HCN1: variants seen among roughly 807,000 people sequenced by gnomAD.
HCN1 encodes the protein potassium/sodium hyperpolarization-activated cyclic nucleotide-gated channel 1.
In HCN1, 13 loss-of-function variants were observed where a neutral mutation model predicts 78.9. The observed-to-expected ratio is 0.16, with a 90% CI of 0.11 to 0.26. The LOEUF is 0.26. Among genes scored for constraint, HCN1 ranks in the 10% least tolerant of loss-of-function variants. The probability of loss-of-function intolerance (pLI) is 1.00; values close to 1 mark genes in which losing one functional copy is unlikely to be tolerated. For synonymous variants in HCN1, 552 were observed against 455.5 expected, an observed-to-expected ratio of 1.21 and a Z score of -2.70; for missense variants, 810 against 1,154.3, an observed-to-expected ratio of 0.70 and a Z score of 4.32.
At chr5:45,654,917 A>G (rs1381236450) in intron 1 of HCN1, among the ~76,000 whole-genome samples, 3 of 152,128 alleles carry the variant, frequency 2.0e-5, no homozygotes. Context: ...TTTTCAAATC[A>G]TCCAGTTTAT....
chr5:45,628,960 T>G (rs1469355531), intron 2 of HCN1, among the ~76,000 whole-genome samples: 1 of 143,964 alleles, frequency 6.9e-6, no homozygotes, highest in East Asian at 2.0e-4. Flanking sequence ...GCAACAAGAG[T>G]GAAACTTCAA....
intron 6 of HCN1, among the ~76,000 whole-genome samples, chr5:45,284,351 C>A (rs1745228273): frequency 6.6e-6 from 1 of 152,104 alleles, no homozygotes; most frequent in Non-Finnish European, 1.5e-5. Context: ...CCTGTAACCC[C>A]TTTCTTTCCT....
Position 45,260,088 on chromosome 5 carries a change from A to G in HCN1, c.*1833T>C, listed in dbSNP as rs1007501698. The G allele has an allele frequency of 6.6e-6, 1 of 152,288 alleles. No individual in the cohort carries two copies. Among genetic ancestry groups the G allele is most frequent in the African/African-American group, 2.4e-5 (1 of 41,456 alleles). 9.4% of individuals were successfully genotyped at this position (152,288 alleles called of 1,614,324 possible). A position where few individuals can be genotyped will look rare whatever the true frequency, so the allele number is the denominator to read the frequency against. On this transcript the variant is annotated 3_prime_UTR_variant, in exon 8 of 8. Transcript: ENST00000303230. ...TGGTATTATAGGTATTATATCCACA[A>G]AAGGCATAACAGGCAGCAAGGATCC... is the stretch of plus-strand genomic sequence containing the variant.
chr5:45,632,537 C>T (rs898697873), intron 2 of HCN1, among the ~76,000 whole-genome samples: 2 of 151,794 alleles, frequency 1.3e-5, no homozygotes, highest in Non-Finnish European at 1.5e-5. Context: ...CCTAAGAGTA[C>T]GAATTACAGC....
In HCN1 at chr5:45,350,808, C is replaced by T. The variant is rs539095392; in HGVS notation, c.1377+2292G>A. ...AAAGAGAATAAAATACCTGGGAATC[C>T]AACTTACAAGGGACGTGAAGGACCT... On this transcript the variant is annotated intron_variant, in intron 5 of 7. Coordinates refer to ENST00000303230, the MANE Select transcript of HCN1 (RefSeq NM_021072.4). 4.6e-5 allele frequency among the ~76,000 whole-genome samples: 7 copies of T among 152,170 alleles called. No individual in the cohort carries two copies. The East Asian group carries it at 5.8e-4, about 13-fold the overall frequency.
chr5:45,564,253 CCTTTAGGAAG>C (rs1743662974), intron 2 of HCN1, among the ~76,000 whole-genome samples: 1 of 151,716 alleles, frequency 6.6e-6, no homozygotes, highest in African/African-American at 2.4e-5. Context: ...TGTGGGTGAA[CCTTTAGGAAG>C]CTTTTTTTTT....
chr5:45,264,599 A>G (rs1465048345), intron 7 of HCN1, among the ~76,000 whole-genome samples: 1 of 152,224 alleles, frequency 6.6e-6, no homozygotes, highest in Non-Finnish European at 1.5e-5. Context: ...AATTTCCCAA[A>G]GAACAAAAAC....
In HCN1 at chr5:45,635,462, A is replaced by C. The variant is rs572949506; in HGVS notation, c.849+9723T>G. On this transcript the variant is annotated intron_variant, in intron 2 of 7. Transcript: ENST00000303230. ...CCTGACTTAGATAGGATTGTATCAA[A>C]ATAGCTACCATTCCTTTATTTTGCA... Among the ~76,000 whole-genome samples the C allele has an allele frequency of 6.6e-5, 10 of 152,178 alleles. 1 individual carries two copies. The South Asian group carries it at 2.1e-3, about 32-fold the overall frequency.
At chr5:45,678,111 G>A (rs1360112169) in intron 1 of HCN1, among the ~76,000 whole-genome samples, 2 of 151,488 alleles carry the variant, frequency 1.3e-5, no homozygotes, top group South Asian at 2.1e-4. Flanking sequence ...TTTGGGGTTC[G>A]GCTTCCTCGG....
chr5:45,548,946 G>C (rs2111849037), intron 2 of HCN1, among the ~76,000 whole-genome samples: 1 of 151,476 alleles, frequency 6.6e-6, no homozygotes, highest in Non-Finnish European at 1.5e-5. Flanking sequence ...CAAGGGACGT[G>C]AAGGACCTCT....
chr5:45,471,667 T>C (rs1018516014), intron 2 of HCN1, among the ~76,000 whole-genome samples: 10 of 152,090 alleles, frequency 6.6e-5, no homozygotes, highest in South Asian at 4.1e-4. Context: ...TATCTTACAA[T>C]GTGTATTTTC....
At chr5:45,339,383 G>T (rs1385064198) in intron 5 of HCN1, among the ~76,000 whole-genome samples, 1 of 152,142 alleles carries the variant, frequency 6.6e-6, no homozygotes, top group East Asian at 1.9e-4. Flanking sequence ...AAGGTAAGCT[G>T]AGTAGAAAGG....
At chr5:45,547,119 G>C (rs993562709) in intron 2 of HCN1, among the ~76,000 whole-genome samples, 9 of 151,750 alleles carry the variant, frequency 5.9e-5, no homozygotes, top group Non-Finnish European at 2.9e-5. Context: ...ATCTTTAATA[G>C]GTTCTTTATT....
At chr5:45,270,816 TA>T (rs1471164631) in intron 6 of HCN1, among the ~76,000 whole-genome samples, 17 of 152,326 alleles carry the variant, frequency 1.1e-4, no homozygotes, top group African/African-American at 3.8e-4. Context: ...AGAATATAGC[TA>T]TTCTCAGTAT....
rs554014337 is a variant in HCN1 at position 45,314,494 on chromosome 5, C to T, written c.1378-10655G>A. Among the ~76,000 whole-genome samples, 113 of 152,136 alleles carry T rather than the reference C, an allele frequency of 7.4e-4. 1 individual carries two copies. The highest frequency in any genetic ancestry group is 6.9e-4 in the Non-Finnish European group (47 of 67,992). On this transcript the variant is annotated intron_variant, in intron 5 of 7. Coordinates refer to ENST00000303230, the MANE Select transcript of HCN1 (RefSeq NM_021072.4). ...ACCAGCTAACATCATAATGACAGGA[C>T]GAAATTCACATATAACAATATTAAC...
chr5:45,539,071 C>T (rs1459459978), intron 2 of HCN1, among the ~76,000 whole-genome samples: 1 of 152,140 alleles, frequency 6.6e-6, no homozygotes, highest in Non-Finnish European at 1.5e-5. Flanking sequence ...TCAATACTTT[C>T]TATTTGTAAC....
rs1245054978 is a variant in HCN1 at position 45,258,048 on chromosome 5, TA to T, written c.*3872del. On this transcript the variant is annotated 3_prime_UTR_variant, in exon 8 of 8. Transcript: ENST00000303230. The stretch of plus-strand genomic sequence containing the variant: ...CACATGGGTTTTATGGCACATGTTC[TA>T]AAAAGATAAAGATATAATGGAGAGA... 6.6e-6 allele frequency: 1 copy of T among 152,092 alleles called. No individual in the cohort carries two copies. Among genetic ancestry groups the T allele is most frequent in the Non-Finnish European group, 1.5e-5 (1 of 68,026 alleles). The allele number at this position is 152,092 out of a possible 1,614,324, so 9.4% of individuals were successfully genotyped here.
At chr5:45,567,214 ATT>A (rs11354534) in intron 2 of HCN1, among the ~76,000 whole-genome samples, 27 of 148,514 alleles carry the variant, frequency 1.8e-4, no homozygotes, top group South Asian at 4.2e-4. Context: ...TTTTTCTTTC[ATT>A]TTTTTTTTTG....
At chr5:45,434,317 T>C (rs1740521743) in intron 3 of HCN1, among the ~76,000 whole-genome samples, 1 of 152,206 alleles carries the variant, frequency 6.6e-6, no homozygotes, top group Non-Finnish European at 1.5e-5. Flanking sequence ...TTGTGGTCTG[T>C]CCTTTAGGAC....
Sources: gnomAD v4.1 joint callset for allele counts (sites outside exome capture counted in the v4.1 genomes callset) on GRCh38, gnomAD v4.1.1 for gene constraint, MANE v1.5 for transcripts, NCBI Gene and HGNC (gene_info 2026-07-23, HGNC 2026-07-21) for gene names.